Variants in KIAA1755 observed in about 807,000 individuals in gnomAD.
KIAA1755 encodes KIAA1755.
A neutral mutation model predicts 91.7 loss-of-function variants in KIAA1755; 68 were observed. That is an observed-to-expected ratio of 0.74 (90% CI 0.61 to 0.91). The LOEUF (loss-of-function observed/expected upper bound fraction) is 0.91. KIAA1755 is among the 40% of genes least tolerant of loss of function. The probability of loss-of-function intolerance (pLI) is 0.00; values close to 1 mark genes in which losing one functional copy is unlikely to be tolerated. For missense variants in KIAA1755, 1,535 were observed against 1,494.4 expected (o/e 1.03, Z -0.45); for synonymous variants, 610 against 604.6 (o/e 1.01, Z -0.13).
intron 11 of KIAA1755, 25 bp downstream of exon 11, chr20:38,219,598 CCCCCACA>C (rs1568734281): frequency 6.2e-7 from 1 of 1,611,910 alleles, no homozygotes; most frequent in Non-Finnish European, 8.5e-7. Flanking sequence ...CCAGGCAGAA[CCCCCACA>C]CCCCAAGCCA....
Position 38,213,022 on chromosome 20 carries a change from C to T in KIAA1755, c.*20G>A, listed in dbSNP as rs772527794. Reference sequence around the variant, plus strand: ...GGCCCAGTGCTCCTGGAGGCTGGTGCGACTGAAGGGGCCTCTCAGCTAGAG... The same window carrying T: ...GGCCCAGTGCTCCTGGAGGCTGGTGTGACTGAAGGGGCCTCTCAGCTAGAG... On this transcript the variant is annotated 3_prime_UTR_variant, in exon 14 of 14. Coordinates refer to ENST00000279024, the MANE Select transcript of KIAA1755 (RefSeq NM_001029864.2). The T allele has an allele frequency of 7.3e-6, 11 of 1,516,660 alleles. No homozygotes were observed. The highest frequency in any genetic ancestry group is 6.8e-5 in the East Asian group (3 of 44,002). The allele number at this position is 1,516,660 out of a possible 1,614,324, so 94.0% of individuals were successfully genotyped here. A position where few individuals can be genotyped will look rare whatever the true frequency, so the allele number is the denominator to read the frequency against.
Position 38,218,318 on chromosome 20 carries a change from T to A in KIAA1755, c.2605A>T (p.Thr869Ser). The A allele has an allele frequency of 1.9e-6, 3 of 1,614,172 alleles. No individual in the cohort carries two copies. The highest frequency in any genetic ancestry group is 2.5e-6 in the Non-Finnish European group (3 of 1,180,040). Reference sequence around the variant, plus strand: ...GTCTCCAAACTTCCATCCTTGGGGGTCAGTGATTGCAGGCACCGCCTTCCT... The same window carrying A: ...GTCTCCAAACTTCCATCCTTGGGGGACAGTGATTGCAGGCACCGCCTTCCT... Reference protein sequence around the residue: ...QEGRRCLQSLTPKDGSLETVE... With the variant: ...QEGRRCLQSLSPKDGSLETVE... Residue 869 changes from threonine to serine, a missense_variant, in exon 12 of 14, where the codon ACC (threonine) becomes TCC (serine). Physicochemically the swap from Thr to Ser is moderately conservative, Grantham distance 58 (BLOSUM62 1). Transcript: ENST00000279024.
chr20:38,222,881 C>T, intron 9 of KIAA1755: 1 of 526,378 alleles, frequency 1.9e-6, no homozygotes, highest in Non-Finnish European at 3.5e-6. Flanking sequence ...CTGTTCTCCA[C>T]ATGGCAGTTG....
At position 38,240,642 on chromosome 20, in the gene KIAA1755, A is replaced by G; in HGVS notation, c.1489T>C (p.Trp497Arg). Residue 497 changes from tryptophan to arginine, a missense_variant, in exon 3 of 14, where the codon TGG becomes CGG. By Grantham distance (101) the Trp-to-Arg change is moderately radical. Coordinates refer to ENST00000279024, the MANE Select transcript of KIAA1755 (RefSeq NM_001029864.2). The stretch of plus-strand genomic sequence containing the variant: ...GAGTAGAGGGAACACAGGACTTTCC[A>G]GGGCCCATTGTGCTGGAGTGAGGCT... ...EKASLQHNGP[W>R]KVLCSLYSPK... The G allele has an allele frequency of 6.6e-7, 1 of 1,521,864 alleles. No individual in the cohort carries two copies. The allele number at this position is 1,521,864 out of a possible 1,614,324, so 94.3% of individuals were successfully genotyped here.
In KIAA1755 at chr20:38,217,438, C is replaced by CCTGCTTGG; in HGVS notation, c.2708_2715dup (p.Ala906ProfsTer39). On this transcript the variant is annotated frameshift_variant, in exon 13 of 14. Transcript: ENST00000279024. LOFTEE classifies it high-confidence loss of function. Reference sequence around the variant, plus strand: ...CTGGCTGTAGCTCCCAGCTGAGCGGCCTGCTTGGACAGCTCCAGGCCTCGG... The same window carrying CCTGCTTGG: ...CTGGCTGTAGCTCCCAGCTGAGCGGCCTGCTTGGCTGCTTGGACAGCTCCAGGCCTCGG... The CCTGCTTGG allele has an allele frequency of 6.2e-7, 1 of 1,612,346 alleles. No homozygotes were observed. The highest frequency in any genetic ancestry group is 8.5e-7 in the Non-Finnish European group (1 of 1,179,428).
chr20:38,260,255 A>G (rs909085150), intron 1 of KIAA1755: 7 of 1,541,932 alleles, frequency 4.5e-6, no homozygotes, highest in Non-Finnish European at 5.2e-6. Context: ...TAAAGTTTAC[A>G]AGTACAATCT....
In KIAA1755 at chr20:38,241,459, G is replaced by A. The variant is rs979451487; in HGVS notation, c.672C>T (p.Asp224=). 5.6e-6 allele frequency: 9 copies of A among 1,614,218 alleles called. No homozygotes were observed. Among genetic ancestry groups the A allele is most frequent in the Non-Finnish European group, 6.8e-6 (8 of 1,180,034 alleles). The change falls in exon 3 of 14, where the codon GAC becomes GAT. Residue 224 remains aspartate, a synonymous_variant. Transcript: ENST00000279024. ...PQELHQASSP[D]NQVLPAQSLA... is the part of the protein sequence containing the mutation. ...AACTCTGGGCAGGAAGCACCTGGTT[G>A]TCTGGGGAGCTGGCCTGGTGCAACT...
chr20:38,260,524 C>T lies in KIAA1755; in HGVS notation c.-24G>A, dbSNP rs768223161. The T allele has an allele frequency of 2.7e-5, 40 of 1,477,360 alleles. No individual in the cohort carries two copies. The highest frequency in any genetic ancestry group is 3.4e-5 in the Non-Finnish European group (38 of 1,116,588). 91.5% of individuals were successfully genotyped at this position (1,477,360 alleles called of 1,614,324 possible). A position where few individuals can be genotyped will look rare whatever the true frequency, so the allele number is the denominator to read the frequency against. ...ATGGTGACGGGCTGCCAGCGGCGGG[C>T]GGCGCGGCTCCTCTCCTGGGCGCGG... On this transcript the variant is annotated 5_prime_UTR_variant, in exon 1 of 14. Coordinates refer to ENST00000279024, the MANE Select transcript of KIAA1755 (RefSeq NM_001029864.2).
At chr20:38,233,110 G>A (rs1436026877) in intron 4 of KIAA1755, 3 of 152,158 alleles carry the variant, frequency 2.0e-5, no homozygotes, top group Non-Finnish European at 2.9e-5. Flanking sequence ...GACAGAGTGA[G>A]ACCTTGTCTC....
intron 13 of KIAA1755, chr20:38,216,957 G>C: frequency 1.5e-6 from 1 of 645,758 alleles, no homozygotes; most frequent in East Asian, 3.1e-5. Context: ...ACACATCTAT[G>C]TTCAAATCTC....
chr20:38,221,748 C>T (rs2075663119), intron 10 of KIAA1755, among the ~76,000 whole-genome samples: 1 of 152,180 alleles, frequency 6.6e-6, no homozygotes. Flanking sequence ...TCATGCATAC[C>T]AGCCCTTGAC....
chr20:38,222,894 C>T (rs1017968371), intron 9 of KIAA1755: 6 of 488,288 alleles, frequency 1.2e-5, no homozygotes, highest in South Asian at 2.1e-5. Flanking sequence ...GGCAGTTGAA[C>T]GGATCTCAAA....
chr20:38,249,728 T>TGGAG (rs151232648), intron 1 of KIAA1755, among the ~76,000 whole-genome samples: 1 of 150,860 alleles, frequency 6.6e-6, no homozygotes, highest in South Asian at 2.1e-4. Context: ...TACACTGAGG[T>TGGAG]GGAGGGAGGG....
At position 38,213,357 on chromosome 20, in the gene KIAA1755, G is replaced by T; in HGVS notation, c.3288C>A (p.Asp1096Glu). The change falls in exon 14 of 14, where the codon GAC becomes GAA. Residue 1096 changes from aspartate (D) to glutamate (E), a missense_variant. By Grantham distance (45) the Asp-to-Glu change is conservative. Coordinates refer to ENST00000279024, the MANE Select transcript of KIAA1755 (RefSeq NM_001029864.2). ...TTGGCAAATGGTCCATGCCCAGTGA[G>T]TCTAGTGGAGGCTGATCCCACCTCC... ...SKGRWDQPPL[D>E]SLGMDHLPKS... 1 of 1,608,188 alleles carries T rather than the reference G, an allele frequency of 6.2e-7. No homozygotes were observed. The highest frequency in any genetic ancestry group is 8.5e-7 in the Non-Finnish European group (1 of 1,176,942).
intron 6 of KIAA1755, 102 bp from the exon 7 acceptor site, chr20:38,227,342 G>A: frequency 1.3e-6 from 1 of 790,542 alleles, no homozygotes; most frequent in East Asian, 2.7e-5. Context: ...AGGCAAATGG[G>A]TCACAAGGAC....
intron 5 of KIAA1755, among the ~76,000 whole-genome samples, chr20:38,228,518 T>C (rs1852059798): frequency 6.6e-6 from 1 of 152,206 alleles, no homozygotes; most frequent in African/African-American, 2.4e-5. Context: ...CCAGGTACAG[T>C]AGGCAAGTCA....
intron 10 of KIAA1755, 69 bp from the exon 11 acceptor site, chr20:38,219,837 A>G: frequency 1.9e-6 from 3 of 1,580,174 alleles, no homozygotes; most frequent in Non-Finnish European, 1.7e-6. Context: ...TCTGTCCCGC[A>G]TAGGCCTGCC....
chr20:38,233,916 G>A (rs888252089), intron 4 of KIAA1755: 4 of 152,128 alleles, frequency 2.6e-5, no homozygotes, highest in African/African-American at 9.7e-5. Flanking sequence ...TGTTTAAAGA[G>A]GTAATTCAGT....
Position 38,245,915 on chromosome 20 carries a change from C to A in KIAA1755, c.201+14G>T. ...AACAGCTTGTTCCCTGTCCCTGTTTCCCTCTTGACTTACACAGGCTGCTTC... is the reference window on the plus strand; with the variant it reads ...AACAGCTTGTTCCCTGTCCCTGTTTACCTCTTGACTTACACAGGCTGCTTC... On this transcript the variant is annotated intron_variant, in intron 2 of 13. Coordinates refer to ENST00000279024, the MANE Select transcript of KIAA1755 (RefSeq NM_001029864.2). 6.2e-7 allele frequency: 1 copy of A among 1,613,068 alleles called. No homozygotes were observed. The highest frequency in any genetic ancestry group is 8.5e-7 in the Non-Finnish European group (1 of 1,179,128).
Sources: gnomAD v4.1 joint callset for allele counts (sites outside exome capture counted in the v4.1 genomes callset) on GRCh38, gnomAD v4.1.1 for gene constraint, MANE v1.5 for transcripts, NCBI Gene and HGNC (gene_info 2026-07-23, HGNC 2026-07-21) for gene names.